The following ADORA2B variants were observed in gnomAD, a reference collection of about 807,000 sequenced individuals.
The protein encoded by ADORA2B is adenosine A2b receptor, also known as adenosine receptor A2b.
In ADORA2B, 18 loss-of-function variants were observed where a neutral mutation model predicts 20.8. The observed-to-expected ratio is 0.87, with a 90% CI of 0.60 to 1.29. The LOEUF is 1.29. Ranked by LOEUF, ADORA2B falls within the 50% of genes most tolerant of loss-of-function variation. The pLI is 0.00. For synonymous variants in ADORA2B, 179 were observed against 178.3 expected, an observed-to-expected ratio of 1.00 and a Z score of -0.03; for missense variants, 441 against 422.7, an observed-to-expected ratio of 1.04 and a Z score of -0.38.
the ADORA2B span, among the ~76,000 whole-genome samples, chr17:15,851,974 A>G: frequency 6.6e-6 from 1 of 152,202 alleles, no homozygotes; most frequent in Non-Finnish European, 1.5e-5. Context: ...TAATAACTTG[A>G]TTTACTTTGT....
At chr17:15,964,080 C>T (rs1283585465) in intron 1 of ADORA2B, among the ~76,000 whole-genome samples, 1 of 152,216 alleles carries the variant, frequency 6.6e-6, no homozygotes. Flanking sequence ...GCTGTCCTTT[C>T]CTCAGACTGG....
chr17:15,951,159 G>A (rs928760227), intron 1 of ADORA2B, among the ~76,000 whole-genome samples: 3 of 152,222 alleles, frequency 2.0e-5, no homozygotes, highest in Non-Finnish European at 2.9e-5. Context: ...TCTGTGAAAC[G>A]CCAGAAGAGG....
chr17:15,909,220 A>G, the ADORA2B span, among the ~76,000 whole-genome samples: 8 of 151,980 alleles, frequency 5.3e-5, no homozygotes, highest in Non-Finnish European at 1.0e-4. Flanking sequence ...AACAACAACA[A>G]CAACAAAACT....
At chr17:15,911,675 A>G in the ADORA2B span, among the ~76,000 whole-genome samples, 1 of 152,206 alleles carries the variant, frequency 6.6e-6, no homozygotes, top group South Asian at 2.1e-4. Context: ...GCCATGTGCA[A>G]CTTATTTTTA....
chr17:15,887,824 G>A, the ADORA2B span, among the ~76,000 whole-genome samples: 3 of 121,488 alleles, frequency 2.5e-5, no homozygotes, highest in Admixed American at 8.2e-5. Flanking sequence ...GGTGGCGGGC[G>A]CCTGTGGTCC....
chr17:15,880,218 C>A, the ADORA2B span, among the ~76,000 whole-genome samples: 1 of 138,666 alleles, frequency 7.2e-6, no homozygotes, highest in Non-Finnish European at 1.6e-5. Flanking sequence ...GTCTCTTCCT[C>A]TGAACTGTGG....
rs1375733027 is a variant in ADORA2B at position 15,974,826 on chromosome 17, C to T, written c.483C>T (p.Thr161=). ...TNNCTEPWDG[T]TNESCCLVKC... ...ACTGCACAGAACCCTGGGATGGAAC[C>T]ACGAATGAAAGCTGCTGCCTTGTGA... The change falls in exon 2 of 2, where the codon ACC becomes ACT. Residue 161 remains threonine, a synonymous_variant. Coordinates refer to ENST00000304222, the MANE Select transcript of ADORA2B (RefSeq NM_000676.4). 4.3e-6 allele frequency: 7 copies of T among 1,614,122 alleles called. No homozygotes were observed. The highest frequency in any genetic ancestry group is 3.3e-5 in the Admixed American group (2 of 60,012).
the ADORA2B span, among the ~76,000 whole-genome samples, chr17:15,939,034 CTTTA>C: frequency 1.3e-5 from 2 of 152,000 alleles, no homozygotes. Flanking sequence ...TCTACTCTTA[CTTTA>C]TTTATATTAT....
chr17:15,950,600 C>T (rs1195809512), intron 1 of ADORA2B, among the ~76,000 whole-genome samples: 1 of 152,172 alleles, frequency 6.6e-6, no homozygotes, highest in African/African-American at 2.4e-5. Flanking sequence ...TCCTGGTGGG[C>T]ACTGTGGGCC....
chr17:15,874,722 A>G, the ADORA2B span, among the ~76,000 whole-genome samples: 1 of 151,558 alleles, frequency 6.6e-6, no homozygotes, highest in Non-Finnish European at 1.5e-5. Flanking sequence ...AATGATGAAT[A>G]TCACTTATCG....
chr17:15,876,166 G>A, the ADORA2B span, among the ~76,000 whole-genome samples: 81 of 152,108 alleles, frequency 5.3e-4, no homozygotes, highest in African/African-American at 1.8e-3. Context: ...AAATTTTATG[G>A]CCTTGCATCT....
chr17:15,872,060 A>G, the ADORA2B span, among the ~76,000 whole-genome samples: 1 of 152,174 alleles, frequency 6.6e-6, no homozygotes, highest in Non-Finnish European at 1.5e-5. Flanking sequence ...TATAAGAAAA[A>G]TCCAGAATAG....
the ADORA2B span, among the ~76,000 whole-genome samples, chr17:15,926,805 C>CA: frequency 6.6e-6 from 1 of 151,814 alleles, no homozygotes; most frequent in Non-Finnish European, 1.5e-5. Flanking sequence ...TCCATCTTTA[C>CA]AAAAAAATTT....
At chr17:15,894,573 G>C in the ADORA2B span, among the ~76,000 whole-genome samples, 53 of 152,230 alleles carry the variant, frequency 3.5e-4, no homozygotes, top group Non-Finnish European at 7.3e-4. Flanking sequence ...CATGGCTCAG[G>C]TTTGGCCTCA....
the ADORA2B span, among the ~76,000 whole-genome samples, chr17:15,912,283 G>A: frequency 1.3e-5 from 2 of 151,454 alleles, no homozygotes; most frequent in Non-Finnish European, 2.9e-5. Context: ...GGGAGGCTGA[G>A]ATGGGAGGAT....
chr17:15,963,395 T>C (rs1970063542), intron 1 of ADORA2B, among the ~76,000 whole-genome samples: 1 of 152,212 alleles, frequency 6.6e-6, no homozygotes, highest in Admixed American at 6.5e-5. Flanking sequence ...TGCCTTCTCA[T>C]GTACCCCTCT....
chr17:15,891,541 TC>T, the ADORA2B span, among the ~76,000 whole-genome samples: 1 of 152,200 alleles, frequency 6.6e-6, no homozygotes, highest in Admixed American at 6.5e-5. Flanking sequence ...TGTTACATTT[TC>T]CCAAAAACTC....
the ADORA2B span, among the ~76,000 whole-genome samples, chr17:15,913,053 G>A: frequency 6.6e-6 from 1 of 152,178 alleles, no homozygotes; most frequent in East Asian, 1.9e-4. Context: ...CAGGTGAGAG[G>A]CTCCCAACGT....
chr17:15,901,060 T>C, the ADORA2B span, among the ~76,000 whole-genome samples: 1 of 152,112 alleles, frequency 6.6e-6, no homozygotes, highest in Non-Finnish European at 1.5e-5. Flanking sequence ...GGACAGCAGC[T>C]GCACACACAG....
Sources: gnomAD v4.1 joint callset for allele counts (sites outside exome capture counted in the v4.1 genomes callset) on GRCh38, gnomAD v4.1.1 for gene constraint, MANE v1.5 for transcripts, NCBI Gene and HGNC (gene_info 2026-07-23, HGNC 2026-07-21) for gene names.